PDE4D: variants seen among roughly 807,000 people sequenced by gnomAD.
The protein encoded by PDE4D is phosphodiesterase 4D, also known as 3',5'-cyclic-AMP phosphodiesterase 4D.
In PDE4D, 24 loss-of-function variants were observed where a neutral mutation model predicts 87.4. The observed-to-expected ratio is 0.27, with a 90% CI of 0.20 to 0.39. PDE4D has a LOEUF of 0.39. Ranked by LOEUF, PDE4D falls within the 10% of genes least tolerant of loss-of-function variation. The probability of loss-of-function intolerance (pLI) is 1.00; values close to 1 mark genes in which losing one functional copy is unlikely to be tolerated. For missense variants in PDE4D, 714 were observed against 1,041.0 expected, an observed-to-expected ratio of 0.69 and a Z score of 4.32; for synonymous variants, 384 against 383.2, an observed-to-expected ratio of 1.00 and a Z score of -0.02.
At chr5:59,530,619 AATTGG>A (rs1814040586) in intron 1 of PDE4D, among the ~76,000 whole-genome samples, 1 of 152,172 alleles carries the variant, frequency 6.6e-6, no homozygotes, top group African/African-American at 2.4e-5. Context: ...TAAAAAAAAA[AATTGG>A]ATTGAATACA....
chr5:60,401,742 T>C (rs1741107542), intron 1 of PDE4D, among the ~76,000 whole-genome samples: 1 of 152,210 alleles, frequency 6.6e-6, no homozygotes, highest in Admixed American at 6.5e-5. Context: ...CCCCTCCAGT[T>C]TGCCCAGTCC....
intron 1 of PDE4D, among the ~76,000 whole-genome samples, chr5:59,697,838 T>A (rs1462404179): frequency 6.6e-6 from 1 of 152,190 alleles, no homozygotes; most frequent in Non-Finnish European, 1.5e-5. Context: ...GAATAACCAA[T>A]GAAAAGCCCT....
intron 5 of PDE4D, chr5:59,156,970 G>T: frequency 4.8e-6 from 1 of 208,016 alleles, no homozygotes; most frequent in Non-Finnish European, 9.4e-6. Flanking sequence ...TTTTGATTTG[G>T]GTAGAGAAGA....
chr5:59,008,858 T>A (rs1033013359), intron 6 of PDE4D, among the ~76,000 whole-genome samples: 7 of 152,192 alleles, frequency 4.6e-5, no homozygotes, highest in African/African-American at 1.4e-4. Context: ...AATTATTTTT[T>A]AAAAAATCTT....
chr5:59,868,224 T>C (rs541446917), intron 1 of PDE4D, among the ~76,000 whole-genome samples: 2 of 152,240 alleles, frequency 1.3e-5, no homozygotes, highest in South Asian at 2.1e-4. Context: ...CTGAGACAAT[T>C]ATAAATATTT....
At chr5:60,382,897 G>C (rs1181404903) in intron 1 of PDE4D, among the ~76,000 whole-genome samples, 1 of 152,106 alleles carries the variant, frequency 6.6e-6, no homozygotes, top group Non-Finnish European at 1.5e-5. Flanking sequence ...AAGAGTTCCA[G>C]TCCATCATCT....
chr5:59,722,085 C>T (rs1474140575), intron 1 of PDE4D, among the ~76,000 whole-genome samples: 1 of 152,132 alleles, frequency 6.6e-6, no homozygotes. Context: ...GCAGAAGACA[C>T]TACTCAGAAC....
At chr5:60,106,921 T>G (rs899280423) in intron 2 of PDE4D, among the ~76,000 whole-genome samples, 9 of 150,442 alleles carry the variant, frequency 6.0e-5, no homozygotes, top group Non-Finnish European at 1.2e-4. Flanking sequence ...GATCCAAAAT[T>G]GACACCCTAA....
At chr5:58,985,135 C>T (rs763546417) in intron 11 of PDE4D, among the ~76,000 whole-genome samples, 1 of 151,976 alleles carries the variant, frequency 6.6e-6, no homozygotes, top group Admixed American at 6.6e-5. Flanking sequence ...GGCTGGTCTC[C>T]GAACTCCTGA....
intron 2 of PDE4D, among the ~76,000 whole-genome samples, chr5:60,110,228 A>G (rs1262523351): frequency 6.6e-6 from 1 of 152,156 alleles, no homozygotes; most frequent in African/African-American, 2.4e-5. Context: ...AACAGTGTGA[A>G]GAGACAACCT....
At chr5:59,871,000 A>G (rs1374644719) in intron 1 of PDE4D, among the ~76,000 whole-genome samples, 2 of 152,232 alleles carry the variant, frequency 1.3e-5, no homozygotes, top group African/African-American at 4.8e-5. Flanking sequence ...GCATAAACAT[A>G]GAACACGATT....
intron 1 of PDE4D, among the ~76,000 whole-genome samples, chr5:60,205,535 T>C (rs1200249481): frequency 6.6e-6 from 1 of 152,070 alleles, no homozygotes; most frequent in Non-Finnish European, 1.5e-5. Flanking sequence ...AGAAAGCTTC[T>C]AAAGATAGAG....
chr5:59,774,191 G>A (rs1347364238), intron 1 of PDE4D, among the ~76,000 whole-genome samples: 1 of 152,110 alleles, frequency 6.6e-6, no homozygotes, highest in Non-Finnish European at 1.5e-5. Flanking sequence ...ATTTAAATAA[G>A]TTTAACCTGG....
intron 1 of PDE4D, among the ~76,000 whole-genome samples, chr5:60,303,255 T>C (rs1211794510): frequency 6.6e-6 from 1 of 152,022 alleles, no homozygotes; most frequent in African/African-American, 2.4e-5. Flanking sequence ...CAAGAGTCAT[T>C]CAGGAGCAGG....
intron 5 of PDE4D, among the ~76,000 whole-genome samples, chr5:59,046,440 G>GTA (rs1554055527): frequency 6.2e-4 from 94 of 151,476 alleles, no homozygotes; most frequent in African/African-American, 2.3e-3. Flanking sequence ...GTGTGTGTGT[G>GTA]TGTATGTGTG....
At chr5:59,373,976 C>G (rs1174409889) in intron 1 of PDE4D, among the ~76,000 whole-genome samples, 1 of 152,084 alleles carries the variant, frequency 6.6e-6, no homozygotes, top group African/African-American at 2.4e-5. Flanking sequence ...CAAGCAAATA[C>G]TGAGGGAATT....
intron 1 of PDE4D, among the ~76,000 whole-genome samples, chr5:59,275,155 A>T (rs964491491): frequency 6.7e-6 from 1 of 150,072 alleles, no homozygotes; most frequent in Admixed American, 6.7e-5. Context: ...AAGAGGAATT[A>T]AAAAAAAAAT....
chr5:59,369,291 A>C (rs1252270714), intron 1 of PDE4D, among the ~76,000 whole-genome samples: 2 of 152,176 alleles, frequency 1.3e-5, no homozygotes, highest in African/African-American at 2.4e-5. Flanking sequence ...GCTTGTGAAA[A>C]AGACTAACGC....
intron 2 of PDE4D, among the ~76,000 whole-genome samples, chr5:60,056,712 G>A (rs188361028): frequency 1.1e-4 from 16 of 152,062 alleles, no homozygotes; most frequent in Admixed American, 4.6e-4. Flanking sequence ...CTAGGTTTCC[G>A]TATCTTTAAA....
Sources: allele counts gnomAD v4.1 joint callset (sites outside exome capture counted in the v4.1 genomes callset), GRCh38; gene constraint gnomAD v4.1.1; transcripts MANE v1.5; gene names NCBI Gene and HGNC (gene_info 2026-07-23, HGNC 2026-07-21).